The following EDIL3 variants were observed in gnomAD, a reference collection of about 807,000 sequenced individuals.
The protein encoded by EDIL3 is EGF like and discoidin domains 3.
A neutral mutation model predicts 67.4 loss-of-function variants in EDIL3; 37 were observed. The ratio of observed to expected loss-of-function variants is 0.55; its 90% CI spans 0.42 to 0.72. The LOEUF (loss-of-function observed/expected upper bound fraction) is 0.72. Among genes scored for constraint, EDIL3 ranks in the 30% least tolerant of loss-of-function variants. The pLI, the probability that EDIL3 is intolerant of heterozygous loss-of-function variation, is 0.00. For synonymous variants in EDIL3, 195 were observed against 196.3 expected, an observed-to-expected ratio of 0.99 and a Z score of 0.05; for missense variants, 527 against 586.3, an observed-to-expected ratio of 0.90 and a Z score of 1.04.
In EDIL3 at chr5:84,106,838, C is replaced by A. The variant is rs1561433455; in HGVS notation, c.470-8G>T. The stretch of plus-strand genomic sequence containing the variant: ...CCAGTGGGCCTGAGCATTCTGGAAA[C>A]AAAAACAGGAAAAAATATGAATGTA... On this transcript the variant is annotated splice_polypyrimidine_tract_variant and splice_region_variant and intron_variant, in intron 5 of 10. Coordinates refer to ENST00000296591, the MANE Select transcript of EDIL3 (RefSeq NM_005711.5). The A allele has an allele frequency of 3.8e-6, 6 of 1,583,260 alleles. No homozygotes were observed. The Admixed American group carries it at 5.8e-5, about 15-fold the overall frequency.
intron 1 of EDIL3, among the ~76,000 whole-genome samples, chr5:84,320,920 A>G (rs1746629425): frequency 6.6e-6 from 1 of 152,218 alleles, no homozygotes; most frequent in Non-Finnish European, 1.5e-5. Context: ...TATCAATTTA[A>G]GAAAGAATTC....
intron 5 of EDIL3, among the ~76,000 whole-genome samples, chr5:84,117,608 T>C (rs1395018580): frequency 1.3e-5 from 2 of 151,952 alleles, no homozygotes; most frequent in Non-Finnish European, 2.9e-5. Flanking sequence ...AAATGCAAAG[T>C]TGTAAATAAT....
intron 5 of EDIL3, among the ~76,000 whole-genome samples, chr5:84,112,305 AAG>A (rs1216590506): frequency 3.9e-5 from 6 of 152,152 alleles, no homozygotes; most frequent in African/African-American, 1.4e-4. Flanking sequence ...GCAGATCTGA[AAG>A]AGGGGCGGAG....
At chr5:84,025,204 T>C (rs1398160283) in intron 9 of EDIL3, among the ~76,000 whole-genome samples, 1 of 152,174 alleles carries the variant, frequency 6.6e-6, no homozygotes, top group Non-Finnish European at 1.5e-5. Flanking sequence ...CATTTTCCTC[T>C]AGTCCAGGGG....
At chr5:84,226,936 T>C (rs1273817353) in intron 3 of EDIL3, among the ~76,000 whole-genome samples, 2 of 151,934 alleles carry the variant, frequency 1.3e-5, no homozygotes, top group African/African-American at 2.4e-5. Flanking sequence ...AAAATAGATT[T>C]AGAATAAGAA....
rs1359293364 is a variant in EDIL3 at position 84,333,098 on chromosome 5, C to T, written c.67+51210G>A. ...TGTGCAAAACTCTTAAATGCCCACC[C>T]TTTCATAAAGAACTAAAAGATAAGT... is the stretch of plus-strand genomic sequence containing the variant. On this transcript the variant is annotated intron_variant, in intron 1 of 10. Transcript: ENST00000296591. Among the ~76,000 whole-genome samples, 4 of 152,238 alleles carry T rather than the reference C, an allele frequency of 2.6e-5. No homozygotes were observed. In the East Asian group the frequency reaches 7.7e-4, roughly 29 times the overall value.
At chr5:84,086,885 C>A (rs769691548) in intron 6 of EDIL3, among the ~76,000 whole-genome samples, 1 of 152,060 alleles carries the variant, frequency 6.6e-6, no homozygotes, top group Non-Finnish European at 1.5e-5. Context: ...CCTGATCCCA[C>A]GGTCCAAGAT....
At chr5:84,253,662 G>C (rs1373960) in intron 2 of EDIL3, among the ~76,000 whole-genome samples, 18,051 of 151,980 alleles carry the variant, frequency 0.12, 1,557 homozygotes, top group East Asian at 0.38. Flanking sequence ...CCTAAGAAAA[G>C]TAATGATTAG....
At chr5:84,345,516 G>A (rs1055623125) in intron 1 of EDIL3, among the ~76,000 whole-genome samples, 11 of 151,916 alleles carry the variant, frequency 7.2e-5, no homozygotes, top group Non-Finnish European at 8.8e-5. Flanking sequence ...CTGACTTTGA[G>A]AAATGGAGTA....
At chr5:84,143,937 T>C (rs933656666) in intron 4 of EDIL3, among the ~76,000 whole-genome samples, 5 of 152,204 alleles carry the variant, frequency 3.3e-5, no homozygotes, top group South Asian at 2.1e-4. Flanking sequence ...TCATCATGTA[T>C]GTACTGTACC....
intron 9 of EDIL3, among the ~76,000 whole-genome samples, chr5:84,052,365 G>A (rs1396754379): frequency 6.6e-6 from 1 of 152,156 alleles, no homozygotes; most frequent in Admixed American, 6.5e-5. Context: ...ATGCCAAATT[G>A]TAAAGACCAT....
Position 84,088,323 on chromosome 5 carries a change from C to T in EDIL3, c.651+18326G>A, listed in dbSNP as rs578202845. ...TTCCAAATCCAGGCTAATGCATGCTCTTAAAAAAAAGAAGCTAAGATACAT... is the reference window on the plus strand; with the variant it reads ...TTCCAAATCCAGGCTAATGCATGCTTTTAAAAAAAAGAAGCTAAGATACAT... On this transcript the variant is annotated intron_variant, in intron 6 of 10. Coordinates refer to ENST00000296591, the MANE Select transcript of EDIL3 (RefSeq NM_005711.5). Among the ~76,000 whole-genome samples, 7 of 152,162 alleles carry T rather than the reference C, an allele frequency of 4.6e-5. No individual in the cohort carries two copies. In the South Asian group the frequency reaches 1.0e-3, roughly 23 times the overall value.
chr5:84,060,607 C>A, intron 8 of EDIL3, 123 bp from the exon 9 acceptor site: 1 of 1,022,606 alleles, frequency 9.8e-7, no homozygotes, highest in Non-Finnish European at 1.4e-6. Flanking sequence ...AAAGAGAAAA[C>A]ATCTAAATCC....
At chr5:84,066,354 A>T in intron 7 of EDIL3, 97 bp downstream of exon 7, 1 of 1,329,404 alleles carries the variant, frequency 7.5e-7, no homozygotes, top group Non-Finnish European at 9.9e-7. Flanking sequence ...ATTTATTTTC[A>T]TCAACATAAG....
intron 3 of EDIL3, among the ~76,000 whole-genome samples, chr5:84,207,784 C>A (rs2112385618): frequency 6.6e-6 from 1 of 151,842 alleles, no homozygotes; most frequent in South Asian, 2.1e-4. Flanking sequence ...CTGAAAAAAA[C>A]AAGCAATGGG....
chr5:84,373,281 C>G (rs536089638), intron 1 of EDIL3, among the ~76,000 whole-genome samples: 9 of 152,244 alleles, frequency 5.9e-5, no homozygotes, highest in African/African-American at 2.2e-4. Context: ...GATGATTTTT[C>G]CAACACCTGG....
At chr5:84,129,340 G>C (rs1337738315) in intron 5 of EDIL3, among the ~76,000 whole-genome samples, 1 of 151,978 alleles carries the variant, frequency 6.6e-6, no homozygotes, top group African/African-American at 2.4e-5. Context: ...AAAGAAGTGA[G>C]AAATTAAGTT....
At chr5:84,326,235 A>C (rs1016010875) in intron 1 of EDIL3, among the ~76,000 whole-genome samples, 4 of 151,994 alleles carry the variant, frequency 2.6e-5, no homozygotes, top group Admixed American at 2.6e-4. Flanking sequence ...AGCTTCCAAA[A>C]CTGTAAGAAA....
In EDIL3 at chr5:84,112,163, T is replaced by A. The variant is rs541400347; in HGVS notation, c.470-5333A>T. ...TTTGGTTCTGTTAGTGATGGGGAGT[T>A]TTTGAAGGACTCTATGGCCACATTT... On this transcript the variant is annotated intron_variant, in intron 5 of 10. Transcript: ENST00000296591. Among the ~76,000 whole-genome samples the A allele has an allele frequency of 4.3e-3, 649 of 152,116 alleles. 5 individuals are homozygous for A. Among genetic ancestry groups the A allele is most frequent in the Non-Finnish European group, 7.3e-3 (499 of 67,986 alleles).
Sources: gnomAD v4.1 joint callset for allele counts (sites outside exome capture counted in the v4.1 genomes callset) on GRCh38, gnomAD v4.1.1 for gene constraint, MANE v1.5 for transcripts, NCBI Gene and HGNC (gene_info 2026-07-23, HGNC 2026-07-21) for gene names.